The following RASAL2 variants were observed in gnomAD, a reference collection of about 807,000 sequenced individuals.
RASAL2 encodes ras GTPase-activating protein nGAP.
A neutral mutation model predicts 128.9 loss-of-function variants in RASAL2; 58 were observed. The observed-to-expected ratio is 0.45, with a 90% confidence interval of 0.36 to 0.56. The LOEUF (loss-of-function observed/expected upper bound fraction) is 0.56, where lower values mean the gene tolerates loss of function less well. RASAL2 is among the 20% of genes least tolerant of loss of function. The pLI is 0.00. For missense variants in RASAL2, 1,360 were observed against 1,601.6 expected (o/e 0.85, Z 2.57); for synonymous variants, 561 against 580.8 (o/e 0.97, Z 0.49).
intron 1 of RASAL2, among the ~76,000 whole-genome samples, chr1:178,197,821 G>A (rs1393021958): frequency 6.6e-6 from 1 of 151,988 alleles, no homozygotes; most frequent in Non-Finnish European, 1.5e-5. Flanking sequence ...TTTACATTAG[G>A]TATTTCTCCT....
rs1664043837 is a variant in RASAL2, at chr1:178,232,315, C to CT, written c.203-51243dup. 1.3e-5 allele frequency among the ~76,000 whole-genome samples: 2 copies of CT among 152,060 alleles called. 1 individual carries two copies. The highest frequency in any genetic ancestry group is 4.8e-5 in the African/African-American group (2 of 41,402). On this transcript the variant is annotated intron_variant, in intron 1 of 17. Coordinates refer to ENST00000367649, the MANE Select transcript of RASAL2 (RefSeq NM_170692.4). ...TTTAACAAATTTTAAGTAGTCAGCTCTTTTTTAAAGTTGTAAGGAGCACAA... is the reference window on the plus strand; with the variant it reads ...TTTAACAAATTTTAAGTAGTCAGCTCTTTTTTTAAAGTTGTAAGGAGCACAA...
intron 1 of RASAL2, among the ~76,000 whole-genome samples, chr1:178,193,095 C>A (rs971613669): frequency 1.3e-5 from 2 of 152,138 alleles, no homozygotes; most frequent in African/African-American, 2.4e-5. Context: ...ATATTTAAAT[C>A]TAGATCACGT....
intron 3 of RASAL2, among the ~76,000 whole-genome samples, chr1:178,364,703 A>G (rs1671310330): frequency 6.6e-6 from 1 of 152,200 alleles, no homozygotes; most frequent in Non-Finnish European, 1.5e-5. Flanking sequence ...TACTCAATAA[A>G]TATTAGGTAG....
intron 3 of RASAL2, among the ~76,000 whole-genome samples, chr1:178,337,621 C>T (rs1322724557): frequency 6.6e-6 from 1 of 152,046 alleles, no homozygotes; most frequent in East Asian, 1.9e-4. Context: ...GGTATAACCT[C>T]AGTTGGTTTG....
chr1:178,364,095 CAAAAA>C (rs1331381002), intron 3 of RASAL2, among the ~76,000 whole-genome samples: 1 of 108,252 alleles, frequency 9.2e-6, no homozygotes, highest in African/African-American at 3.3e-5. Flanking sequence ...GACTCCATCT[CAAAAA>C]AAAAAAAAAA....
At chr1:178,199,076 G>T (rs1419283935) in intron 1 of RASAL2, among the ~76,000 whole-genome samples, 1 of 152,224 alleles carries the variant, frequency 6.6e-6, no homozygotes, top group Non-Finnish European at 1.5e-5. Context: ...GACTAGCAGT[G>T]AACAAGGCTT....
intron 1 of RASAL2, among the ~76,000 whole-genome samples, chr1:178,208,595 A>G (rs983760404): frequency 1.3e-5 from 2 of 152,176 alleles, no homozygotes; most frequent in Admixed American, 1.3e-4. Context: ...GACCCTTATC[A>G]GTAGTTCTGC....
intron 1 of RASAL2, among the ~76,000 whole-genome samples, chr1:178,182,442 G>T (rs1366143802): frequency 6.6e-6 from 1 of 152,140 alleles, no homozygotes; most frequent in African/African-American, 2.4e-5. Context: ...TTATACTGGG[G>T]CATCGTTGCT....
intron 1 of RASAL2, among the ~76,000 whole-genome samples, chr1:178,141,353 CGA>C (rs1553253595): frequency 9.2e-5 from 14 of 151,918 alleles, no homozygotes. Context: ...TGCTGTCAGG[CGA>C]GAGATGATTT....
chr1:178,281,129 T>C (rs913476926), intron 1 of RASAL2, among the ~76,000 whole-genome samples: 1 of 152,024 alleles, frequency 6.6e-6, no homozygotes, highest in Non-Finnish European at 1.5e-5. Flanking sequence ...TCTTGTTTTT[T>C]TTCCCCCCTT....
chr1:178,317,936 A>G (rs1490606463), intron 3 of RASAL2, among the ~76,000 whole-genome samples: 2 of 151,744 alleles, frequency 1.3e-5, no homozygotes, highest in South Asian at 2.1e-4. Context: ...ATTTATTGCT[A>G]TAAATTTCCC....
intron 1 of RASAL2, among the ~76,000 whole-genome samples, chr1:178,190,401 T>C (rs149351073): frequency 6.6e-6 from 1 of 152,314 alleles, no homozygotes; most frequent in Non-Finnish European, 1.5e-5. Context: ...GAGTGGTATC[T>C]AAAATATTTG....
chr1:178,119,391 C>CT (rs1412087717), intron 1 of RASAL2, among the ~76,000 whole-genome samples: 1 of 152,194 alleles, frequency 6.6e-6, no homozygotes, highest in African/African-American at 2.4e-5. Context: ...AGGGCATGTA[C>CT]TTTAACGTGG....
intron 1 of RASAL2, among the ~76,000 whole-genome samples, chr1:178,153,694 C>G (rs1003722971): frequency 1.3e-5 from 2 of 152,038 alleles, no homozygotes; most frequent in African/African-American, 4.8e-5. Flanking sequence ...TTTGCTTGGC[C>G]TTTCACCAGT....
At chr1:178,414,486 T>G (rs1462551476) in intron 4 of RASAL2, among the ~76,000 whole-genome samples, 1 of 152,158 alleles carries the variant, frequency 6.6e-6, no homozygotes, top group Non-Finnish European at 1.5e-5. Flanking sequence ...TCAATGTAGA[T>G]TCGTCAGTTG....
At chr1:178,283,989 G>C (rs539628032) in intron 2 of RASAL2, among the ~76,000 whole-genome samples, 2 of 152,260 alleles carry the variant, frequency 1.3e-5, no homozygotes, top group South Asian at 2.1e-4. Context: ...AAATGATCTC[G>C]AGGGGCCATT....
At chr1:178,419,109 G>A (rs1018319538) in intron 4 of RASAL2, among the ~76,000 whole-genome samples, 2 of 152,104 alleles carry the variant, frequency 1.3e-5, no homozygotes, top group African/African-American at 4.8e-5. Context: ...GAATATAAAA[G>A]ATTTGATGTG....
At chr1:178,289,956 C>T (rs1667202887) in intron 2 of RASAL2, among the ~76,000 whole-genome samples, 1 of 152,152 alleles carries the variant, frequency 6.6e-6, no homozygotes, top group South Asian at 2.1e-4. Flanking sequence ...CATCTCTTTG[C>T]TTACATACCA....
chr1:178,395,589 A>G (rs1673162713), intron 4 of RASAL2, among the ~76,000 whole-genome samples: 1 of 152,098 alleles, frequency 6.6e-6, no homozygotes, highest in Admixed American at 6.6e-5. Context: ...CATCCAAGCT[A>G]CAATACAGTT....
Sources: allele counts gnomAD v4.1 joint callset (sites outside exome capture counted in the v4.1 genomes callset), GRCh38; gene constraint gnomAD v4.1.1; transcripts MANE v1.5; gene names NCBI Gene and HGNC (gene_info 2026-07-23, HGNC 2026-07-21).